Variants in TSPAN18 observed in about 807,000 individuals in gnomAD.
TSPAN18 encodes the protein tetraspanin-18.
In TSPAN18, 14 loss-of-function variants were observed where a neutral mutation model predicts 27.3. The ratio of observed to expected loss-of-function variants is 0.51; its 90% CI spans 0.34 to 0.80. The LOEUF (loss-of-function observed/expected upper bound fraction) is 0.80. TSPAN18 is among the 30% of genes least tolerant of loss of function. The pLI, the probability that TSPAN18 is intolerant of heterozygous loss-of-function variation, is 0.01. For missense variants in TSPAN18, 268 were observed against 323.9 expected, an observed-to-expected ratio of 0.83 and a Z score of 1.32; for synonymous variants, 143 against 136.5, an observed-to-expected ratio of 1.05 and a Z score of -0.33.
chr11:44,914,694 C>A (rs1241864175), intron 5 of TSPAN18, among the ~76,000 whole-genome samples: 1 of 152,166 alleles, frequency 6.6e-6, no homozygotes, highest in African/African-American at 2.4e-5. Flanking sequence ...CCAGCTTGGG[C>A]CGAGTACTGT....
At chr11:44,805,043 T>C (rs1415138927) in intron 2 of TSPAN18, among the ~76,000 whole-genome samples, 1 of 152,110 alleles carries the variant, frequency 6.6e-6, no homozygotes, top group Non-Finnish European at 1.5e-5. Flanking sequence ...CCGCCCTTGG[T>C]TGGGGGAATC....
intron 2 of TSPAN18, among the ~76,000 whole-genome samples, chr11:44,792,067 A>G (rs536041857): frequency 6.6e-6 from 1 of 152,342 alleles, no homozygotes; most frequent in African/African-American, 2.4e-5. Flanking sequence ...TAGGTATTCA[A>G]TGTCAATTTA....
At chr11:44,777,562 T>G (rs1001429533) in intron 2 of TSPAN18, among the ~76,000 whole-genome samples, 26 of 152,244 alleles carry the variant, frequency 1.7e-4, no homozygotes, top group Admixed American at 4.6e-4. Context: ...CAACAGCCTG[T>G]GTGCAAAGCC....
In TSPAN18 at chr11:44,784,753, C is replaced by T. The variant is rs150007261; in HGVS notation, c.-153+20241C>T. ...TCAGTGATGATAACCCAGCAACCACCGGCAAGGTAGACAGCACAAGTACAT... is the reference window on the plus strand; with the variant it reads ...TCAGTGATGATAACCCAGCAACCACTGGCAAGGTAGACAGCACAAGTACAT... On this transcript the variant is annotated intron_variant, in intron 2 of 9. Transcript: ENST00000520358. Among the ~76,000 whole-genome samples, 877 of 152,066 alleles carry T rather than the reference C, an allele frequency of 5.8e-3. 5 individuals carry two copies. The highest frequency in any genetic ancestry group is 0.02 in the African/African-American group (842 of 41,502).
chr11:44,909,927 A>G (rs1859646593), intron 5 of TSPAN18, 28 bp downstream of exon 5: 2 of 1,589,374 alleles, frequency 1.3e-6, no homozygotes, highest in Non-Finnish European at 1.7e-6. Flanking sequence ...CACCCCATCC[A>G]TGGGTGCTCT....
intron 1 of TSPAN18, among the ~76,000 whole-genome samples, chr11:44,756,781 T>G (rs2134872254): frequency 6.6e-6 from 1 of 152,384 alleles, no homozygotes; most frequent in Non-Finnish European, 1.5e-5. Context: ...CTCCATTGTG[T>G]AGATAGACCA....
At chr11:44,829,652 C>T (rs112008572) in intron 2 of TSPAN18, among the ~76,000 whole-genome samples, 8 of 152,094 alleles carry the variant, frequency 5.3e-5, no homozygotes, top group East Asian at 3.9e-4. Context: ...CATTAGTGTG[C>T]GGTTTTTTGC....
chr11:44,828,980 C>T (rs531416364), intron 2 of TSPAN18, among the ~76,000 whole-genome samples: 3 of 152,310 alleles, frequency 2.0e-5, no homozygotes, highest in African/African-American at 7.2e-5. Flanking sequence ...TCAATCCCAT[C>T]TCTCTACTAT....
intron 6 of TSPAN18, 42 bp downstream of exon 6, chr11:44,918,088 C>A (rs1362066840): frequency 6.2e-7 from 1 of 1,600,110 alleles, no homozygotes; most frequent in Non-Finnish European, 8.6e-7. Context: ...CTGCTATCAG[C>A]AAGGGGTTGG....
chr11:44,728,108 C>T (rs181791673), intron 1 of TSPAN18, among the ~76,000 whole-genome samples: 1 of 152,192 alleles, frequency 6.6e-6, no homozygotes, highest in Non-Finnish European at 1.5e-5. Flanking sequence ...ACCACAGACA[C>T]CCAACTTACG....
At chr11:44,749,827 G>A (rs989945900) in intron 1 of TSPAN18, among the ~76,000 whole-genome samples, 4 of 151,906 alleles carry the variant, frequency 2.6e-5, no homozygotes, top group African/African-American at 4.8e-5. Context: ...TAGTAGAGAC[G>A]GGGTTTCACC....
intron 2 of TSPAN18, among the ~76,000 whole-genome samples, chr11:44,809,404 T>C (rs531917092): frequency 6.6e-6 from 1 of 152,014 alleles, no homozygotes; most frequent in African/African-American, 2.4e-5. Context: ...TGCAATCAGG[T>C]TCTTGTCACA....
chr11:44,908,732 A>C, intron 4 of TSPAN18, among the ~76,000 whole-genome samples: 1 of 116,260 alleles, frequency 8.6e-6, no homozygotes, highest in Non-Finnish European at 1.8e-5. Flanking sequence ...AGACTGTCTC[A>C]AAAAAGAAAG....
chr11:44,823,362 T>C (rs1856967669), intron 2 of TSPAN18, among the ~76,000 whole-genome samples: 1 of 152,206 alleles, frequency 6.6e-6, no homozygotes, highest in Admixed American at 6.5e-5. Context: ...ACAGCTCTAG[T>C]GGAGAGGCGA....
intron 3 of TSPAN18, among the ~76,000 whole-genome samples, chr11:44,899,439 A>G (rs1859178203): frequency 6.6e-6 from 1 of 152,256 alleles, no homozygotes; most frequent in Non-Finnish European, 1.5e-5. Flanking sequence ...TGCTAGTCTC[A>G]GGAACCCAGT....
intron 2 of TSPAN18, among the ~76,000 whole-genome samples, chr11:44,810,317 A>C (rs992976681): frequency 6.6e-6 from 1 of 151,956 alleles, no homozygotes; most frequent in Non-Finnish European, 1.5e-5. Context: ...CTTCGCAACC[A>C]CCAATTCCTC....
At chr11:44,918,454 AAGTTCCAGAGGCCACAGGCAGCTGG>A (rs1389647348) in intron 6 of TSPAN18, among the ~76,000 whole-genome samples, 1 of 152,046 alleles carries the variant, frequency 6.6e-6, no homozygotes, top group Non-Finnish European at 1.5e-5. Flanking sequence ...ACAAGCCACC[AAGTTCCAGAGGCCACAGGCAGCTGG>A]AGTGCCAGCT....
intron 6 of TSPAN18, among the ~76,000 whole-genome samples, chr11:44,918,729 C>G (rs1565008304): frequency 1.3e-5 from 2 of 152,090 alleles, no homozygotes; most frequent in Admixed American, 1.3e-4. Context: ...GGGCCCTAGC[C>G]TTTGACTGCA....
chr11:44,754,706 C>T (rs942139146), intron 1 of TSPAN18, among the ~76,000 whole-genome samples: 1 of 152,210 alleles, frequency 6.6e-6, no homozygotes, highest in African/African-American at 2.4e-5. Flanking sequence ...AGCTTTGGCT[C>T]TGTGACTGTG....
Sources: gnomAD v4.1 joint callset for allele counts (sites outside exome capture counted in the v4.1 genomes callset) on GRCh38, gnomAD v4.1.1 for gene constraint, MANE v1.5 for transcripts, NCBI Gene and HGNC (gene_info 2026-07-23, HGNC 2026-07-21) for gene names.